Variants in CDC25A observed in about 807,000 individuals in gnomAD.
CDC25A encodes the protein cell division cycle 25A, also known as M-phase inducer phosphatase 1.
A neutral mutation model predicts 64.6 loss-of-function variants in CDC25A; 17 were observed. The observed-to-expected ratio is 0.26, with a 90% CI of 0.18 to 0.39. The LOEUF is 0.39. Ranked by LOEUF, CDC25A falls within the 10% of genes least tolerant of loss-of-function variation. The pLI, the probability that CDC25A is intolerant of heterozygous loss-of-function variation, is 1.00. For synonymous variants in CDC25A, 229 were observed against 238.6 expected, an observed-to-expected ratio of 0.96 and a Z score of 0.37; for missense variants, 473 against 654.8, an observed-to-expected ratio of 0.72 and a Z score of 3.03.
rs2032903531 is a variant in CDC25A, at chr3:48,187,841, G to C, written c.107C>G (p.Ala36Gly). 1 of 1,549,192 alleles carries C rather than the reference G, an allele frequency of 6.5e-7. No individual in the cohort carries two copies. Among genetic ancestry groups the C allele is most frequent in the African/African-American group, 1.4e-5 (1 of 72,672 alleles). Residue 36 changes from alanine to glycine, a missense_variant, in exon 1 of 15, where the codon GCC becomes GGC. By Grantham distance (60) the Ala-to-Gly change is moderately conservative. Coordinates refer to ENST00000302506, the MANE Select transcript of CDC25A (RefSeq NM_001789.3). ...GTTGGTGACAGGCGACAGTCCCCCG[G>C]CGGCTGAAGCGCCAAATAGCGCCTT... ...VVKALFGASA[A>G]GGLSPVTNLT...
intron 14 of CDC25A, 108 bp from the exon 15 acceptor site, chr3:48,159,193 G>A: frequency 7.1e-7 from 1 of 1,416,720 alleles, no homozygotes; most frequent in Non-Finnish European, 9.7e-7. Context: ...GCAGACCTAG[G>A]GAGCCAGTTC....
chr3:48,167,200 A>G (rs986225380), intron 10 of CDC25A, among the ~76,000 whole-genome samples: 6 of 152,220 alleles, frequency 3.9e-5, no homozygotes, highest in Non-Finnish European at 7.3e-5. Context: ...ACTGTATCTC[A>G]TTTTGGAATC....
Position 48,158,687 on chromosome 3 carries a change from G to A in CDC25A, c.*258C>T. 2.7e-6 allele frequency: 1 copy of A among 374,102 alleles called. No homozygotes were observed. The highest frequency in any genetic ancestry group is 4.9e-6 in the Non-Finnish European group (1 of 204,346). The allele number at this position is 374,102 out of a possible 1,614,324, so 23.2% of individuals were successfully genotyped here. ...ATCCCACTGTGGCTCAGAGCAGCTT[G>A]ACACGGTGCTCAGAACTGCATTGTG... On this transcript the variant is annotated 3_prime_UTR_variant, in exon 15 of 15. Transcript: ENST00000302506.
At position 48,158,584 on chromosome 3, in the gene CDC25A, C is replaced by G. The variant is rs534961535; in HGVS notation, c.*361G>C. 5.4e-6 allele frequency: 1 copy of G among 184,294 alleles called. No individual in the cohort carries two copies. Among genetic ancestry groups the G allele is most frequent in the East Asian group, 1.4e-4 (1 of 7,246 alleles). The allele number at this position is 184,294 out of a possible 1,614,324, so 11.4% of individuals were successfully genotyped here. On this transcript the variant is annotated 3_prime_UTR_variant, in exon 15 of 15. Coordinates refer to ENST00000302506, the MANE Select transcript of CDC25A (RefSeq NM_001789.3). The stretch of plus-strand genomic sequence containing the variant: ...CTTTGCTATTTGGCCAGCAGCATTT[C>G]TGTGTAACTTCTCTACTCCCCTCCG...
intron 8 of CDC25A, 149 bp from the exon 9 acceptor site, chr3:48,174,606 C>G (rs972014655): frequency 1.5e-6 from 1 of 685,784 alleles, no homozygotes; most frequent in Non-Finnish European, 2.4e-6. Context: ...GTCCTAGCAA[C>G]TCTCACAGGG....
At chr3:48,179,204 A>G (rs1474062826) in intron 6 of CDC25A, among the ~76,000 whole-genome samples, 2 of 152,200 alleles carry the variant, frequency 1.3e-5, no homozygotes, top group Admixed American at 1.3e-4. Flanking sequence ...AGATAACTTT[A>G]TTATGGGGCA....
Position 48,159,348 on chromosome 3 carries a change from C to T in CDC25A, c.1430G>A (p.Cys477Tyr). The change falls in exon 14 of 15, where the codon TGC becomes TAC. Residue 477 changes from cysteine (C) to tyrosine (Y), a missense_variant. Transcript: ENST00000302506. ...TCTCCACAACCCCAGTCTTACCTGG[C>T]ATTTCATAAAGAACTCCTTGTATCC... is the stretch of plus-strand genomic sequence containing the variant. ...KGGYKEFFMK[C>Y]QSYCEPPSYR... is the part of the protein sequence containing the mutation. The T allele has an allele frequency of 2.5e-6, 4 of 1,607,864 alleles. No individual in the cohort carries two copies. The African/African-American group carries it at 5.3e-5, about 21-fold the overall frequency.
At chr3:48,177,478 T>C in intron 7 of CDC25A, 36 bp from the exon 8 acceptor site, 1 of 1,504,480 alleles carries the variant, frequency 6.6e-7, no homozygotes, top group African/African-American at 1.4e-5. Context: ...AAAAAGAGCC[T>C]GTAGAGACTA....
intron 9 of CDC25A, among the ~76,000 whole-genome samples, chr3:48,169,210 G>A (rs1384290548): frequency 6.6e-6 from 1 of 152,196 alleles, no homozygotes; most frequent in Non-Finnish European, 1.5e-5. Context: ...TGTTTGATGA[G>A]TGTAAGTTTC....
chr3:48,180,710 A>C lies in CDC25A; in HGVS notation c.549+11T>G, dbSNP rs1221926288. On this transcript the variant is annotated intron_variant, in intron 6 of 14. Coordinates refer to ENST00000302506, the MANE Select transcript of CDC25A (RefSeq NM_001789.3). ...TGTCAGGAATTCCCCTATGAAAGCC[A>C]GAGCACATACCATCCGAGCTGGGGC... The C allele has an allele frequency of 1.2e-6, 2 of 1,613,004 alleles. No homozygotes were observed. The highest frequency in any genetic ancestry group is 1.7e-6 in the Non-Finnish European group (2 of 1,179,458).
Position 48,159,052 on chromosome 3 carries a change from G to A in CDC25A, c.1468C>T (p.His490Tyr), listed in dbSNP as rs1219130230. The A allele has an allele frequency of 6.2e-7, 1 of 1,614,100 alleles. No individual in the cohort carries two copies. The highest frequency in any genetic ancestry group is 1.1e-5 in the South Asian group (1 of 91,084). ...YCEPPSYRPM[H>Y]HEDFKEDLKK... ...AGGTCTTCTTTAAAGTCCTCGTGGT[G>A]CATGGGCCGGTAGCTAGGGGGCTCA... is the stretch of plus-strand genomic sequence containing the variant. The change falls in exon 15 of 15, where the codon CAC (histidine) becomes TAC (tyrosine). Residue 490 changes from histidine (H) to tyrosine (Y), a missense_variant. Physicochemically the swap from His to Tyr is moderately conservative, Grantham distance 83. Coordinates refer to ENST00000302506, the MANE Select transcript of CDC25A (RefSeq NM_001789.3).
intron 3 of CDC25A, among the ~76,000 whole-genome samples, chr3:48,184,243 T>C (rs986440700): frequency 5.3e-5 from 8 of 151,970 alleles, no homozygotes; most frequent in African/African-American, 1.9e-4. Context: ...ACTCCTGTAG[T>C]CCCAGCTACT....
At chr3:48,181,830 G>A (rs2032681859) in intron 5 of CDC25A, 1 of 604,804 alleles carries the variant, frequency 1.7e-6, no homozygotes, top group Admixed American at 2.9e-5. Flanking sequence ...ATATTACAGT[G>A]ATTTCTATGC....
chr3:48,179,619 G>C (rs3731510), intron 6 of CDC25A, among the ~76,000 whole-genome samples: 1 of 151,790 alleles, frequency 6.6e-6, no homozygotes, highest in African/African-American at 2.4e-5. Context: ...CTCCCACCTC[G>C]GCCTCCCAAA....
At chr3:48,162,175 T>C (rs1382331828) in intron 13 of CDC25A, among the ~76,000 whole-genome samples, 1 of 152,180 alleles carries the variant, frequency 6.6e-6, no homozygotes, top group Non-Finnish European at 1.5e-5. Flanking sequence ...CAAGTTGTAC[T>C]GTAGTTGCCT....
chr3:48,170,555 T>A (rs1217376452), intron 9 of CDC25A, among the ~76,000 whole-genome samples: 1 of 152,200 alleles, frequency 6.6e-6, no homozygotes, highest in Non-Finnish European at 1.5e-5. Context: ...TCCAGGAACC[T>A]CCATGTGTTC....
chr3:48,171,695 T>C (rs1314379627), intron 9 of CDC25A, among the ~76,000 whole-genome samples: 1 of 152,204 alleles, frequency 6.6e-6, no homozygotes, highest in Non-Finnish European at 1.5e-5. Flanking sequence ...TTATTAAATA[T>C]TGATAGATAT....
intron 7 of CDC25A, 54 bp from the exon 8 acceptor site, chr3:48,177,496 T>C (rs933175747): frequency 6.0e-6 from 8 of 1,342,050 alleles, no homozygotes; most frequent in Non-Finnish European, 8.5e-6. Flanking sequence ...CTAACATTTG[T>C]TTAAGTGCTT....
intron 9 of CDC25A, among the ~76,000 whole-genome samples, chr3:48,172,641 T>C (rs1055291250): frequency 1.3e-5 from 2 of 152,188 alleles, no homozygotes; most frequent in Non-Finnish European, 2.9e-5. Context: ...GGCGGGAGGA[T>C]TGCCCTGAGC....
Sources: gnomAD v4.1 joint callset for allele counts (sites outside exome capture counted in the v4.1 genomes callset) on GRCh38, gnomAD v4.1.1 for gene constraint, MANE v1.5 for transcripts, NCBI Gene and HGNC (gene_info 2026-07-23, HGNC 2026-07-21) for gene names.